Variants in C2CD5 observed in about 807,000 individuals in gnomAD.
C2CD5 encodes the protein C2 domain-containing protein 5.
A neutral mutation model predicts 130.3 loss-of-function variants in C2CD5; 109 were observed. That is an observed-to-expected ratio of 0.84 (90% CI 0.72 to 0.98). The LOEUF is 0.98. Among genes scored for constraint, C2CD5 ranks in the 50% least tolerant of loss-of-function variants. The pLI is 0.00. For synonymous variants in C2CD5, 454 were observed against 429.2 expected (o/e 1.06, Z -0.71); for missense variants, 996 against 1,261.8 (o/e 0.79, Z 3.19).
chr12:22,466,142 G>T (rs999537327), intron 22 of C2CD5, among the ~76,000 whole-genome samples: 1 of 151,888 alleles, frequency 6.6e-6, no homozygotes, highest in Admixed American at 6.6e-5. Context: ...ACAATGAAAG[G>T]TTTATCTACA....
At chr12:22,538,921 C>A (rs1952078098) in intron 2 of C2CD5, among the ~76,000 whole-genome samples, 1 of 152,050 alleles carries the variant, frequency 6.6e-6, no homozygotes, top group Non-Finnish European at 1.5e-5. Context: ...AAGCATTTAT[C>A]CCTTTATTAT....
chr12:22,471,437 T>A lies in C2CD5; in HGVS notation c.2320A>T (p.Asn774Tyr). Residue 774 changes from asparagine to tyrosine, a missense_variant, in exon 20 of 27, where the codon AAT (asparagine) becomes TAT (tyrosine). Physicochemically the swap from Asn to Tyr is moderately radical, Grantham distance 143. Coordinates refer to ENST00000446597, the MANE Select transcript of C2CD5 (RefSeq NM_001286176.2). ...SMIPCCLCHV[N>Y]FTVSLPEDEL... ...TCTTCAGGCAGAGATACTGTAAAAT[T>A]TACATGGCAAAGGCAGCAGGGGATC... is the stretch of plus-strand genomic sequence containing the variant. 6.3e-7 allele frequency: 1 copy of A among 1,599,620 alleles called. No individual in the cohort carries two copies. The highest frequency in any genetic ancestry group is 2.2e-5 in the East Asian group (1 of 44,672).
At chr12:22,531,852 C>T (rs1401057689) in intron 3 of C2CD5, among the ~76,000 whole-genome samples, 2 of 152,170 alleles carry the variant, frequency 1.3e-5, no homozygotes, top group African/African-American at 2.4e-5. Context: ...CTTTCTTATA[C>T]AAACTGAGAT....
chr12:22,452,406 C>T (rs1190399784), intron 26 of C2CD5, among the ~76,000 whole-genome samples: 1 of 152,088 alleles, frequency 6.6e-6, no homozygotes, highest in East Asian at 1.9e-4. Context: ...AATCTTTCTT[C>T]TCCCCATGTA....
intron 10 of C2CD5, among the ~76,000 whole-genome samples, chr12:22,494,063 T>C (rs185160755): frequency 6.6e-6 from 1 of 152,076 alleles, no homozygotes. Flanking sequence ...AAGTCCAATA[T>C]TGCTTGTAAT....
At chr12:22,493,165 C>G (rs994837807) in intron 11 of C2CD5, 58 bp downstream of exon 11, 1 of 945,284 alleles carries the variant, frequency 1.1e-6, no homozygotes, top group Non-Finnish European at 1.7e-6. Context: ...AAGCTTTTCC[C>G]CTTTCAGATG....
At chr12:22,482,454 AAG>A in intron 14 of C2CD5, 101 bp downstream of exon 14, 1 of 959,760 alleles carries the variant, frequency 1.0e-6, no homozygotes, top group Non-Finnish European at 1.6e-6. Flanking sequence ...CTTAATGTCA[AAG>A]TCTTTAGATA....
At chr12:22,472,584 T>C in intron 17 of C2CD5, 160 bp downstream of exon 17, 1 of 660,606 alleles carries the variant, frequency 1.5e-6, no homozygotes, top group Non-Finnish European at 2.7e-6. Flanking sequence ...ACATAAGTAT[T>C]TTTAAGGTAT....
At chr12:22,522,862 G>A (rs1274130435) in intron 7 of C2CD5, among the ~76,000 whole-genome samples, 1 of 152,038 alleles carries the variant, frequency 6.6e-6, no homozygotes, top group Non-Finnish European at 1.5e-5. Context: ...CTTTATATAT[G>A]CAGTGTCTAA....
intron 2 of C2CD5, among the ~76,000 whole-genome samples, chr12:22,538,291 T>C (rs1482653142): frequency 6.6e-6 from 1 of 152,184 alleles, no homozygotes; most frequent in Non-Finnish European, 1.5e-5. Flanking sequence ...TTTACAGTCT[T>C]TTCTCCACCT....
rs1591978675 is a variant in C2CD5 at position 22,523,577 on chromosome 12, T to C, written c.649A>G (p.Asn217Asp). The C allele has an allele frequency of 3.7e-6, 6 of 1,613,920 alleles. No individual in the cohort carries two copies. The East Asian group carries it at 1.1e-4, about 30-fold the overall frequency. ...IGLKVLEMRG[N>D]AVVGYLQCFD... ...CACTGTAAGTACCCCACAACTGCAT[T>C]TCCTCTCATTTCAAGTACTTTCAAG... is the stretch of plus-strand genomic sequence containing the variant. The change falls in exon 7 of 27, where the codon AAT becomes GAT. Residue 217 changes from asparagine to aspartate, a missense_variant. By Grantham distance (23) the Asn-to-Asp change is conservative. This residue lies in a region of C2CD5 where 26 missense variants were observed against 56.6 expected (regional missense o/e 0.46). Transcript: ENST00000446597.
chr12:22,530,027 T>C (rs780660603), intron 3 of C2CD5, among the ~76,000 whole-genome samples: 5 of 145,258 alleles, frequency 3.4e-5, no homozygotes, highest in African/African-American at 1.3e-4. Flanking sequence ...CGACATTTCT[T>C]TCACATAAGA....
intron 10 of C2CD5, chr12:22,502,714 T>C: frequency 7.4e-7 from 1 of 1,354,224 alleles, no homozygotes; most frequent in Non-Finnish European, 1.0e-6. Context: ...TCAGCATATG[T>C]AGTACTGAAT....
At chr12:22,489,414 T>TA (rs1345869238) in intron 12 of C2CD5, among the ~76,000 whole-genome samples, 4 of 151,842 alleles carry the variant, frequency 2.6e-5, no homozygotes, top group African/African-American at 7.2e-5. Context: ...AGGAAAACAA[T>TA]AAAAAATCCC....
intron 9 of C2CD5, among the ~76,000 whole-genome samples, chr12:22,511,708 A>T (rs1298863354): frequency 6.6e-6 from 1 of 152,134 alleles, no homozygotes. Flanking sequence ...ACTGCTTAAT[A>T]TTTTTTTCCC....
chr12:22,482,688 T>C lies in C2CD5; in HGVS notation c.1606A>G (p.Asn536Asp). Reference sequence around the variant, plus strand: ...TCATATTCCATAAATGGCAAGAGATTACTGATAGCTGTAGCATTTGCTTCT... The same window carrying C: ...TCATATTCCATAAATGGCAAGAGATCACTGATAGCTGTAGCATTTGCTTCT... ...QAEANATAIS[N>D]LLPFMEYEVH... The change falls in exon 14 of 27, where the codon AAT becomes GAT. Residue 536 changes from asparagine (N) to aspartate (D), a missense_variant. Physicochemically the swap from Asn to Asp is conservative, Grantham distance 23. Transcript: ENST00000446597. 1 of 1,613,650 alleles carries C rather than the reference T, an allele frequency of 6.2e-7. No individual in the cohort carries two copies. The highest frequency in any genetic ancestry group is 8.5e-7 in the Non-Finnish European group (1 of 1,179,640).
rs565399271 is a variant in C2CD5, at chr12:22,480,328, C to G, written c.1738-1851G>C. On this transcript the variant is annotated intron_variant, in intron 14 of 26. Coordinates refer to ENST00000446597, the MANE Select transcript of C2CD5 (RefSeq NM_001286176.2). ...TCCTCCTGTAAAGTGAAGATAATATCACATTCCTTCTAGAATAGCACAGTG... is the reference window on the plus strand; with the variant it reads ...TCCTCCTGTAAAGTGAAGATAATATGACATTCCTTCTAGAATAGCACAGTG... Among the ~76,000 whole-genome samples the G allele has an allele frequency of 3.9e-5, 6 of 152,302 alleles. 1 individual carries two copies. The highest frequency in any genetic ancestry group is 1.4e-4 in the African/African-American group (6 of 41,584).
Position 22,523,496 on chromosome 12 carries a change from T to G in C2CD5, c.730A>C (p.Thr244Pro). 1.2e-6 allele frequency: 2 copies of G among 1,613,948 alleles called. No individual in the cohort carries two copies. Among genetic ancestry groups the G allele is most frequent in the Non-Finnish European group, 1.7e-6 (2 of 1,179,960 alleles). ...GCTGGGCTACTTAATTTATCCAGAG[T>G]ACACGCCGTTCCTATGGCTCGCACC... ...LVVRAIGTAC[T>P]LDKLSSPAAF... The change falls in exon 7 of 27, where the codon ACT becomes CCT. Residue 244 changes from threonine (T) to proline (P), a missense_variant. This residue lies in a region of C2CD5 where 156 missense variants were observed against 165.9 expected (regional missense o/e 0.94). Coordinates refer to ENST00000446597, the MANE Select transcript of C2CD5 (RefSeq NM_001286176.2).
chr12:22,478,724 T>C (rs1269040529), intron 14 of C2CD5, among the ~76,000 whole-genome samples: 1 of 151,952 alleles, frequency 6.6e-6, no homozygotes, highest in Non-Finnish European at 1.5e-5. Flanking sequence ...TGTGTGCCCA[T>C]AATCCCTGCT....
Sources: gnomAD v4.1 joint callset for allele counts (sites outside exome capture counted in the v4.1 genomes callset) on GRCh38, gnomAD v4.1.1 for gene constraint, gnomAD v4.1.1 regional missense constraint, MANE v1.5 for transcripts, NCBI Gene and HGNC (gene_info 2026-07-23, HGNC 2026-07-21) for gene names.